NRG1: variants seen among roughly 807,000 people sequenced by gnomAD.
The protein encoded by NRG1 is neuregulin 1.
A neutral mutation model predicts 63.8 loss-of-function variants in NRG1; 18 were observed. The ratio of observed to expected loss-of-function variants is 0.28; its 90% CI spans 0.19 to 0.42. NRG1 has a LOEUF of 0.42. NRG1 is among the 10% of genes least tolerant of loss of function. The pLI is 1.00. For missense variants in NRG1, 762 were observed against 814.7 expected (o/e 0.94, Z 0.79); for synonymous variants, 302 against 301.3 (o/e 1.00, Z -0.02).
chr8:31,966,609 C>T (rs924051799), intron 1 of NRG1, among the ~76,000 whole-genome samples: 2 of 152,164 alleles, frequency 1.3e-5, no homozygotes, highest in Admixed American at 1.3e-4. Flanking sequence ...CACAGTGCTT[C>T]CTTAGGGAGC....
intron 5 of NRG1, among the ~76,000 whole-genome samples, chr8:32,628,942 C>T (rs890802240): frequency 9.2e-5 from 14 of 151,992 alleles, no homozygotes; most frequent in African/African-American, 3.4e-4. Context: ...CCATGTTGGC[C>T]AGGCTGGTCT....
chr8:32,337,684 C>CAAAAAAAAAAAAAAA (rs1586900950), intron 1 of NRG1, among the ~76,000 whole-genome samples: 1 of 32,594 alleles, frequency 3.1e-5, no homozygotes, highest in Non-Finnish European at 7.3e-5. Context: ...AAAAAAAAAG[C>CAAAAAAAAAAAAAAA]TGATGCAGTT....
chr8:32,114,268 C>A (rs1832417231), intron 1 of NRG1, among the ~76,000 whole-genome samples: 1 of 152,188 alleles, frequency 6.6e-6, no homozygotes, highest in Non-Finnish European at 1.5e-5. Context: ...CAACATCTTT[C>A]TCCTGCAGCT....
intron 1 of NRG1, among the ~76,000 whole-genome samples, chr8:32,207,107 T>C (rs1168622578): frequency 6.6e-6 from 1 of 152,206 alleles, no homozygotes; most frequent in South Asian, 2.1e-4. Flanking sequence ...GTCAAATGTG[T>C]GGAAAACAAC....
intron 1 of NRG1, among the ~76,000 whole-genome samples, chr8:31,978,290 T>C (rs1808518753): frequency 6.6e-6 from 1 of 152,064 alleles, no homozygotes; most frequent in South Asian, 2.1e-4. Context: ...TCACTAAATA[T>C]TAGAAATGAT....
At chr8:32,750,025 A>G (rs929683261) in intron 7 of NRG1, 17 of 172,900 alleles carry the variant, frequency 9.8e-5, no homozygotes, top group African/African-American at 4.1e-4. Flanking sequence ...GATTTTTGGC[A>G]TACAATGTAA....
intron 1 of NRG1, among the ~76,000 whole-genome samples, chr8:31,843,913 C>A (rs1004678087): frequency 2.6e-5 from 4 of 152,164 alleles, no homozygotes; most frequent in African/African-American, 9.7e-5. Flanking sequence ...GATGATCCAA[C>A]ACTAGGGCTT....
At chr8:32,422,012 G>C (rs201268473) in intron 1 of NRG1, among the ~76,000 whole-genome samples, 2 of 107,746 alleles carry the variant, frequency 1.9e-5, no homozygotes, top group South Asian at 5.2e-4. Flanking sequence ...CAGGGTTGAG[G>C]GATGAAAAAT....
intron 1 of NRG1, among the ~76,000 whole-genome samples, chr8:32,472,064 T>C (rs1330993672): frequency 1.3e-5 from 2 of 152,186 alleles, no homozygotes; most frequent in Non-Finnish European, 2.9e-5. Context: ...ATCAGGTGTC[T>C]CCACCACTTT....
intron 1 of NRG1, among the ~76,000 whole-genome samples, chr8:32,003,836 A>G (rs1263828263): frequency 1.3e-5 from 2 of 151,904 alleles, no homozygotes; most frequent in Admixed American, 6.6e-5. Flanking sequence ...CAAGTATTCA[A>G]TTGTTATATT....
At chr8:32,563,561 G>A (rs950981876) in intron 1 of NRG1, among the ~76,000 whole-genome samples, 2 of 152,128 alleles carry the variant, frequency 1.3e-5, no homozygotes, top group African/African-American at 4.8e-5. Context: ...CTTTAACTTA[G>A]TCGTCTCTCA....
intron 1 of NRG1, among the ~76,000 whole-genome samples, chr8:31,894,546 C>CTTTTTTTTTTTTTTTTTTTTTTT: frequency 1.0e-5 from 1 of 98,068 alleles, no homozygotes; most frequent in Admixed American, 1.1e-4. Context: ...CTATTTCTTT[C>CTTTTTTTTTTTTTTTTTTTTTTT]TTTTTTCTTT....
At chr8:32,084,026 GT>G (rs1827877099) in intron 1 of NRG1, among the ~76,000 whole-genome samples, 1 of 152,076 alleles carries the variant, frequency 6.6e-6, no homozygotes. Context: ...CTCTTTTAGA[GT>G]TTTCCTAATA....
chr8:32,017,325 T>A (rs1815702970), intron 1 of NRG1, among the ~76,000 whole-genome samples: 1 of 152,024 alleles, frequency 6.6e-6, no homozygotes, highest in African/African-American at 2.4e-5. Flanking sequence ...ACACAAACTG[T>A]TTTCCCTCCG....
At chr8:32,190,001 CCTT>C (rs964305984) in intron 1 of NRG1, among the ~76,000 whole-genome samples, 2 of 152,054 alleles carry the variant, frequency 1.3e-5, no homozygotes, top group Non-Finnish European at 2.9e-5. Context: ...ACATTTCAGT[CCTT>C]CTTCTCTATT....
intron 1 of NRG1, among the ~76,000 whole-genome samples, chr8:31,905,309 AG>A (rs1832434053): frequency 1.3e-5 from 2 of 152,202 alleles, no homozygotes; most frequent in Admixed American, 1.3e-4. Flanking sequence ...GGTGGCAATA[AG>A]GGGGAAGTGG....
chr8:32,748,358 C>CACACACACACAGAGAGAGAG (rs748763782), intron 7 of NRG1, among the ~76,000 whole-genome samples: 1 of 121,956 alleles, frequency 8.2e-6, no homozygotes, highest in Admixed American at 8.7e-5. Flanking sequence ...CACACACACA[C>CACACACACACAGAGAGAGAG]AGAGAGAGAG....
chr8:32,481,740 C>T (rs188998460), intron 1 of NRG1, among the ~76,000 whole-genome samples: 36 of 152,328 alleles, frequency 2.4e-4, no homozygotes, highest in African/African-American at 7.2e-4. Context: ...ATATAGATAG[C>T]ATTCATAACA....
chr8:32,524,572 C>A (rs1190069965), intron 1 of NRG1, among the ~76,000 whole-genome samples: 1 of 151,922 alleles, frequency 6.6e-6, no homozygotes, highest in Non-Finnish European at 1.5e-5. Flanking sequence ...AAAAAACATT[C>A]CAGTTGCCAG....
Sources: gnomAD v4.1 joint callset for allele counts (sites outside exome capture counted in the v4.1 genomes callset) on GRCh38, gnomAD v4.1.1 for gene constraint, MANE v1.5 for transcripts, NCBI Gene and HGNC (gene_info 2026-07-23, HGNC 2026-07-21) for gene names.